EEFSEC: variants seen among roughly 807,000 people sequenced by gnomAD.
The protein encoded by EEFSEC is selenocysteine-specific elongation factor.
A neutral mutation model predicts 42.1 loss-of-function variants in EEFSEC; 43 were observed. The ratio of observed to expected loss-of-function variants is 1.02; its 90% CI spans 0.80 to 1.32. The LOEUF is 1.32. Among genes scored for constraint, EEFSEC ranks in the 40% most tolerant of loss-of-function variants. EEFSEC has a pLI of 0.00. For missense variants in EEFSEC, 745 were observed against 803.6 expected, an observed-to-expected ratio of 0.93 and a Z score of 0.88; for synonymous variants, 354 against 339.1, an observed-to-expected ratio of 1.04 and a Z score of -0.48.
At chr3:128,293,096 CTTG>C (rs1241925549) in intron 4 of EEFSEC, among the ~76,000 whole-genome samples, 2 of 152,124 alleles carry the variant, frequency 1.3e-5, no homozygotes, top group African/African-American at 4.8e-5. Flanking sequence ...TTCCAGTTAA[CTTG>C]TTGTTAATTT....
At chr3:128,288,063 C>T (rs1413144926) in intron 4 of EEFSEC, among the ~76,000 whole-genome samples, 5 of 149,342 alleles carry the variant, frequency 3.3e-5, no homozygotes, top group African/African-American at 4.9e-5. Context: ...AATACAGGTA[C>T]GCCATCATTC....
At chr3:128,243,628 C>T (rs904108566) in intron 1 of EEFSEC, among the ~76,000 whole-genome samples, 3 of 152,156 alleles carry the variant, frequency 2.0e-5, no homozygotes, top group Admixed American at 1.3e-4. Context: ...CAGCATGGAG[C>T]CGGGTGGGGC....
chr3:128,366,890 C>T (rs1246195778), intron 6 of EEFSEC, among the ~76,000 whole-genome samples: 2 of 152,160 alleles, frequency 1.3e-5, no homozygotes, highest in South Asian at 2.1e-4. Context: ...CTAGTCAACT[C>T]GGGCTATCAT....
intron 1 of EEFSEC, among the ~76,000 whole-genome samples, chr3:128,192,619 C>T (rs185199140): frequency 1.4e-4 from 22 of 152,252 alleles, no homozygotes; most frequent in African/African-American, 5.1e-4. Context: ...CTTTTTCTTC[C>T]CCTCTCCTAT....
chr3:128,305,478 A>G (rs1559911954), intron 4 of EEFSEC, among the ~76,000 whole-genome samples: 1 of 152,208 alleles, frequency 6.6e-6, no homozygotes, highest in Admixed American at 6.5e-5. Flanking sequence ...TTGTCTCTCA[A>G]ACCATCTGAA....
chr3:128,413,672 A>G, the EEFSEC span, among the ~76,000 whole-genome samples: 33 of 152,274 alleles, frequency 2.2e-4, 1 homozygote, highest in African/African-American at 7.5e-4. Context: ...CACATCCCAC[A>G]GCCACAGGTG....
intron 5 of EEFSEC, 68 bp from the exon 6 acceptor site, chr3:128,358,147 GCA>G: frequency 1.3e-6 from 2 of 1,566,850 alleles, no homozygotes; most frequent in Non-Finnish European, 1.7e-6. Context: ...CTGGGGCTAG[GCA>G]CACAGTCACA....
chr3:128,416,267 G>C, the EEFSEC span, among the ~76,000 whole-genome samples: 1 of 152,148 alleles, frequency 6.6e-6, no homozygotes, highest in African/African-American at 2.4e-5. Context: ...GGGCACAACA[G>C]CCCTCCCCAA....
chr3:128,197,389 G>C (rs1357026100), intron 1 of EEFSEC, among the ~76,000 whole-genome samples: 2 of 152,136 alleles, frequency 1.3e-5, no homozygotes, highest in African/African-American at 4.8e-5. Flanking sequence ...TTCTGCCTCA[G>C]CCTCCCAAGT....
At chr3:128,331,650 G>A (rs1229688989) in intron 4 of EEFSEC, among the ~76,000 whole-genome samples, 2 of 152,020 alleles carry the variant, frequency 1.3e-5, no homozygotes, top group Non-Finnish European at 2.9e-5. Context: ...CCACCCCTAG[G>A]AGTTGTGGGT....
intron 6 of EEFSEC, among the ~76,000 whole-genome samples, chr3:128,372,025 A>T (rs1467680097): frequency 6.6e-6 from 1 of 152,212 alleles, no homozygotes; most frequent in East Asian, 1.9e-4. Flanking sequence ...TTCTTTGGGA[A>T]CTATTTCTCT....
At chr3:128,339,907 C>T (rs1052401553) in intron 4 of EEFSEC, among the ~76,000 whole-genome samples, 11 of 152,138 alleles carry the variant, frequency 7.2e-5, no homozygotes, top group Non-Finnish European at 1.3e-4. Context: ...AGGGGTTTCC[C>T]CTTATAAAAC....
At chr3:128,254,420 C>T (rs540758822) in intron 2 of EEFSEC, among the ~76,000 whole-genome samples, 1 of 152,308 alleles carries the variant, frequency 6.6e-6, no homozygotes, top group East Asian at 1.9e-4. Context: ...CACTTTTACA[C>T]ATGTTAACCG....
chr3:128,246,874 G>A lies in EEFSEC; in HGVS notation c.355G>A (p.Val119Met). Reference protein sequence around the residue: ...IIDLMMLVIDVTKGMQTQSAE... With the variant: ...IIDLMMLVIDMTKGMQTQSAE... The stretch of plus-strand genomic sequence containing the variant: ...TGATCTGATGATGCTGGTCATCGAT[G>A]TGACCAAGGGGATGCAGACCCAGTC... The change falls in exon 2 of 7, where the codon GTG becomes ATG. Residue 119 changes from valine to methionine, a missense_variant. Coordinates refer to ENST00000254730, the MANE Select transcript of EEFSEC (RefSeq NM_021937.5). 1 of 1,614,172 alleles carries A rather than the reference G, an allele frequency of 6.2e-7. No individual in the cohort carries two copies. The highest frequency in any genetic ancestry group is 8.5e-7 in the Non-Finnish European group (1 of 1,180,024).
intron 1 of EEFSEC, among the ~76,000 whole-genome samples, chr3:128,189,146 C>T (rs2065495261): frequency 6.6e-6 from 1 of 152,168 alleles, no homozygotes; most frequent in Non-Finnish European, 1.5e-5. Context: ...CTTCCTTTCT[C>T]AGTCCGTGGG....
chr3:128,197,879 A>G (rs1247517611), intron 1 of EEFSEC, among the ~76,000 whole-genome samples: 1 of 152,182 alleles, frequency 6.6e-6, no homozygotes, highest in African/African-American at 2.4e-5. Context: ...TCCTGCCTGC[A>G]TAGATTGCCC....
rs572413152 is a variant in EEFSEC, at chr3:128,280,161, T to C, written c.786+15380T>C. On this transcript the variant is annotated intron_variant, in intron 4 of 6. Transcript: ENST00000254730. ...ATTATGTAGGAAAACTGTCTGCATA[T>C]GTTTGTATACAAATGCATCAAAAAA... Among the ~76,000 whole-genome samples the C allele has an allele frequency of 3.3e-5, 5 of 152,314 alleles. No individual in the cohort carries two copies. The East Asian group carries it at 7.7e-4, about 24-fold the overall frequency.
chr3:128,335,080 G>T (rs1436649149), intron 4 of EEFSEC, among the ~76,000 whole-genome samples: 1 of 152,234 alleles, frequency 6.6e-6, no homozygotes, highest in Non-Finnish European at 1.5e-5. Context: ...TGGAGCTTGG[G>T]CCCAGGAGGA....
chr3:128,413,816 C>T, the EEFSEC span, among the ~76,000 whole-genome samples: 2 of 152,238 alleles, frequency 1.3e-5, no homozygotes, highest in Non-Finnish European at 2.9e-5. Context: ...CACCACCTGG[C>T]GGGCCCCAGC....
Sources: allele counts gnomAD v4.1 joint callset (sites outside exome capture counted in the v4.1 genomes callset), GRCh38; gene constraint gnomAD v4.1.1; transcripts MANE v1.5; gene names NCBI Gene and HGNC (gene_info 2026-07-23, HGNC 2026-07-21).